The following EYA2 variants were observed in gnomAD, a reference collection of about 807,000 sequenced individuals.
EYA2 encodes the protein protein phosphatase EYA2.
In EYA2, 31 loss-of-function variants were observed where a neutral mutation model predicts 69.2. That is an observed-to-expected ratio of 0.45 (90% confidence interval 0.34 to 0.60). EYA2 has a LOEUF of 0.60. Ranked by LOEUF, EYA2 falls within the 20% of genes least tolerant of loss-of-function variation. The probability of loss-of-function intolerance (pLI) is 0.02; values close to 1 mark genes in which losing one functional copy is unlikely to be tolerated. For missense variants in EYA2, 622 were observed against 701.2 expected (o/e 0.89, Z 1.28); for synonymous variants, 257 against 279.4 (o/e 0.92, Z 0.80).
chr20:46,930,561 T>C (rs1985623653), intron 1 of EYA2, among the ~76,000 whole-genome samples: 1 of 151,930 alleles, frequency 6.6e-6, no homozygotes. Context: ...GGGGTAATGC[T>C]ATAGAAAGCA....
At chr20:47,080,468 A>C (rs935765325) in intron 7 of EYA2, among the ~76,000 whole-genome samples, 2 of 35,236 alleles carry the variant, frequency 5.7e-5, no homozygotes, top group Non-Finnish European at 1.0e-4. Flanking sequence ...TGAGGGAGGG[A>C]GGGAGGGAAA....
chr20:47,137,201 G>A (rs1490981121), intron 9 of EYA2, among the ~76,000 whole-genome samples: 2 of 151,888 alleles, frequency 1.3e-5, no homozygotes, highest in East Asian at 3.9e-4. Context: ...GTTGTTTTTT[G>A]TTTTTTAATC....
At chr20:46,951,584 G>A (rs11699585) in intron 1 of EYA2, among the ~76,000 whole-genome samples, 47,871 of 152,102 alleles carry the variant, frequency 0.31, 9,382 homozygotes, top group Non-Finnish European at 0.44. Flanking sequence ...AAGGGCAACC[G>A]GGCTATGCAC....
intron 5 of EYA2, among the ~76,000 whole-genome samples, chr20:47,062,340 C>G (rs16992271): frequency 0.019 from 2,821 of 152,270 alleles, 68 homozygotes; most frequent in African/African-American, 0.064. Context: ...AAAATGGGAT[C>G]TGGAGTTGAA....
chr20:47,006,468 C>T (rs1982722218), intron 4 of EYA2, among the ~76,000 whole-genome samples: 1 of 152,324 alleles, frequency 6.6e-6, no homozygotes, highest in East Asian at 1.9e-4. Context: ...TGCCCCTGAC[C>T]TCTCCAGGCC....
At chr20:46,980,850 GC>G (rs1980788508) in intron 1 of EYA2, among the ~76,000 whole-genome samples, 2 of 152,288 alleles carry the variant, frequency 1.3e-5, no homozygotes, top group East Asian at 3.9e-4. Flanking sequence ...TTGAGAACAT[GC>G]CATATTTGTC....
intron 1 of EYA2, 48 bp from the exon 2 acceptor site, chr20:46,989,953 G>A (rs1452369813): frequency 3.3e-6 from 3 of 915,078 alleles, no homozygotes; most frequent in Non-Finnish European, 5.5e-6. Flanking sequence ...TCATTAGCAA[G>A]CATGCATAAT....
intron 5 of EYA2, among the ~76,000 whole-genome samples, chr20:47,028,879 G>A (rs1984244971): frequency 6.6e-6 from 1 of 152,126 alleles, no homozygotes; most frequent in Non-Finnish European, 1.5e-5. Flanking sequence ...TACCGGGGTA[G>A]CCCCACCCCA....
At chr20:47,075,025 C>T (rs1017996828) in intron 7 of EYA2, among the ~76,000 whole-genome samples, 59 of 152,152 alleles carry the variant, frequency 3.9e-4, no homozygotes, top group Non-Finnish European at 6.2e-4. Flanking sequence ...GTAGGAGAAT[C>T]GCTTGAACCT....
intron 4 of EYA2, among the ~76,000 whole-genome samples, chr20:47,015,466 T>C (rs1983351728): frequency 1.3e-5 from 2 of 152,246 alleles, no homozygotes; most frequent in South Asian, 2.1e-4. Flanking sequence ...TTAAGTGATA[T>C]CATCTTTGCA....
At chr20:47,035,698 AT>A (rs972010891) in intron 5 of EYA2, among the ~76,000 whole-genome samples, 2 of 152,084 alleles carry the variant, frequency 1.3e-5, no homozygotes, top group Non-Finnish European at 2.9e-5. Context: ...CAGTGTAGTG[AT>A]GGGTGCTGAA....
chr20:46,932,901 T>G (rs1985734686), intron 1 of EYA2, among the ~76,000 whole-genome samples: 1 of 151,908 alleles, frequency 6.6e-6, no homozygotes, highest in Non-Finnish European at 1.5e-5. Flanking sequence ...TATTAAAAAA[T>G]AAAGTGTTTG....
intron 5 of EYA2, among the ~76,000 whole-genome samples, chr20:47,048,027 A>G (rs2030136347): frequency 6.6e-6 from 1 of 152,190 alleles, no homozygotes; most frequent in Non-Finnish European, 1.5e-5. Context: ...CTGATAATCC[A>G]GGATCATCTG....
At chr20:47,078,458 G>C (rs1054092606) in intron 7 of EYA2, among the ~76,000 whole-genome samples, 2 of 152,154 alleles carry the variant, frequency 1.3e-5, no homozygotes, top group Non-Finnish European at 2.9e-5. Flanking sequence ...AGAGGCTCTA[G>C]AGGTTTACTG....
At chr20:47,162,138 G>C (rs1350340128) in intron 10 of EYA2, among the ~76,000 whole-genome samples, 1 of 152,098 alleles carries the variant, frequency 6.6e-6, no homozygotes, top group South Asian at 2.1e-4. Context: ...TTCGTCTTCT[G>C]TCTCTGTGTC....
chr20:47,156,060 A>G (rs1389825360), intron 10 of EYA2, among the ~76,000 whole-genome samples: 1 of 83,470 alleles, frequency 1.2e-5, no homozygotes, highest in Non-Finnish European at 2.2e-5. Context: ...ACATATATAT[A>G]CATACACACA....
At chr20:46,942,096 G>A (rs756907343) in intron 1 of EYA2, among the ~76,000 whole-genome samples, 20 of 152,164 alleles carry the variant, frequency 1.3e-4, no homozygotes, top group South Asian at 2.1e-4. Context: ...GCTTGGCAAC[G>A]AATGTTACTG....
At chr20:46,982,698 G>C (rs1041489971) in intron 1 of EYA2, among the ~76,000 whole-genome samples, 3 of 151,364 alleles carry the variant, frequency 2.0e-5, no homozygotes, top group Non-Finnish European at 2.9e-5. Flanking sequence ...TCTTTCATCT[G>C]CTACATCCAG....
chr20:47,104,514 G>A (rs1352608227), intron 9 of EYA2, among the ~76,000 whole-genome samples: 1 of 152,070 alleles, frequency 6.6e-6, no homozygotes, highest in Non-Finnish European at 1.5e-5. Context: ...CCTAACCTAG[G>A]TCACAGAGAT....
Sources: allele counts gnomAD v4.1 joint callset (sites outside exome capture counted in the v4.1 genomes callset), GRCh38; gene constraint gnomAD v4.1.1; transcripts MANE v1.5; gene names NCBI Gene and HGNC (gene_info 2026-07-23, HGNC 2026-07-21).